The following DGKI variants were observed in gnomAD, a reference collection of about 807,000 sequenced individuals.
DGKI encodes DAG kinase iota.
A neutral mutation model predicts 147.5 loss-of-function variants in DGKI; 55 were observed. That is an observed-to-expected ratio of 0.37 (90% CI 0.30 to 0.47). DGKI has a LOEUF of 0.47. Ranked by LOEUF, DGKI falls within the 20% of genes least tolerant of loss-of-function variation. The probability of loss-of-function intolerance (pLI) is 1.00; values close to 1 mark genes in which losing one functional copy is unlikely to be tolerated. For synonymous variants in DGKI, 469 were observed against 477.1 expected, an observed-to-expected ratio of 0.98 and a Z score of 0.22; for missense variants, 1,007 against 1,323.8, an observed-to-expected ratio of 0.76 and a Z score of 3.71.
intron 6 of DGKI, among the ~76,000 whole-genome samples, chr7:137,641,564 T>G (rs933088944): frequency 2.0e-5 from 3 of 152,222 alleles, no homozygotes; most frequent in Non-Finnish European, 4.4e-5. Flanking sequence ...TGTGTTTAAG[T>G]GTAGCATGAA....
chr7:137,739,490 C>T (rs1411399832), intron 1 of DGKI, among the ~76,000 whole-genome samples: 3 of 152,248 alleles, frequency 2.0e-5, no homozygotes, highest in Non-Finnish European at 2.9e-5. Flanking sequence ...GGAAAAATAA[C>T]GACTAGACCT....
intron 1 of DGKI, among the ~76,000 whole-genome samples, chr7:137,814,311 T>G (rs549888016): frequency 6.6e-6 from 1 of 152,172 alleles, no homozygotes; most frequent in Admixed American, 6.5e-5. Flanking sequence ...AGTAAAGAAA[T>G]GCCAAAAAAC....
At chr7:137,501,864 C>A (rs1816184776) in intron 21 of DGKI, among the ~76,000 whole-genome samples, 1 of 152,106 alleles carries the variant, frequency 6.6e-6, no homozygotes, top group Non-Finnish European at 1.5e-5. Context: ...TTGTAGCTCC[C>A]ATAATTCCCA....
Position 137,846,397 on chromosome 7 carries a change from C to A in DGKI, c.401+65G>T. On this transcript the variant is annotated intron_variant, in intron 1 of 32. Transcript: ENST00000614521. The surrounding 1 kb of genome is among the most constrained non-coding windows in gnomAD (Gnocchi z 4.0). ...CCCAACTCCGCGGAAGCGCCCCTTG[C>A]TGGGTAGAAGAGTGGGTCTCCCGCC... 1 of 1,138,884 alleles carries A rather than the reference C, an allele frequency of 8.8e-7. No individual in the cohort carries two copies. The allele number at this position is 1,138,884 out of a possible 1,614,324, so 70.5% of individuals were successfully genotyped here.
At chr7:137,775,163 T>C (rs1297413762) in intron 1 of DGKI, among the ~76,000 whole-genome samples, 1 of 152,160 alleles carries the variant, frequency 6.6e-6, no homozygotes, top group Non-Finnish European at 1.5e-5. Context: ...GTGTGCTCCA[T>C]GTGGCATTAT....
chr7:137,695,766 A>C (rs1823760132), intron 1 of DGKI, among the ~76,000 whole-genome samples: 2 of 152,210 alleles, frequency 1.3e-5, no homozygotes, highest in South Asian at 4.1e-4. Flanking sequence ...TAATTGCCTT[A>C]ATTATAAATT....
At chr7:137,429,139 C>T (rs1812951474) in intron 28 of DGKI, among the ~76,000 whole-genome samples, 1 of 152,154 alleles carries the variant, frequency 6.6e-6, no homozygotes, top group African/African-American at 2.4e-5. Flanking sequence ...ATCACACTAC[C>T]TGACTTCAAA....
At chr7:137,662,898 T>A (rs1419008355) in intron 3 of DGKI, among the ~76,000 whole-genome samples, 1 of 152,162 alleles carries the variant, frequency 6.6e-6, no homozygotes, top group African/African-American at 2.4e-5. Flanking sequence ...GCCAAAAGTA[T>A]CTCAGAATAT....
At chr7:137,469,020 A>G (rs1814773022) in intron 24 of DGKI, among the ~76,000 whole-genome samples, 1 of 152,192 alleles carries the variant, frequency 6.6e-6, no homozygotes, top group Admixed American at 6.5e-5. Context: ...AGATAAAAAA[A>G]CGGACTCATT....
At chr7:137,425,392 C>G (rs1400613504) in intron 28 of DGKI, among the ~76,000 whole-genome samples, 1 of 152,170 alleles carries the variant, frequency 6.6e-6, no homozygotes, top group Non-Finnish European at 1.5e-5. Flanking sequence ...ACCAAAAACC[C>G]ATCTGTACAT....
chr7:137,829,361 G>A (rs1014241633), intron 1 of DGKI, among the ~76,000 whole-genome samples: 7 of 152,126 alleles, frequency 4.6e-5, no homozygotes, highest in African/African-American at 1.7e-4. Flanking sequence ...TCTTAACTTG[G>A]GAAACTAGAC....
chr7:137,625,145 T>C (rs1490098866), intron 6 of DGKI, among the ~76,000 whole-genome samples: 1 of 152,212 alleles, frequency 6.6e-6, no homozygotes, highest in Non-Finnish European at 1.5e-5. Flanking sequence ...AGAGTTAACA[T>C]AGCAAATCAG....
At chr7:137,395,226 G>A (rs542132291) in intron 32 of DGKI, among the ~76,000 whole-genome samples, 12 of 152,252 alleles carry the variant, frequency 7.9e-5, no homozygotes, top group African/African-American at 2.6e-4. Flanking sequence ...AGTACTGAAG[G>A]AAAACCCCAA....
chr7:137,673,591 A>G (rs1822927943), intron 3 of DGKI, among the ~76,000 whole-genome samples: 1 of 152,224 alleles, frequency 6.6e-6, no homozygotes, highest in Non-Finnish European at 1.5e-5. Flanking sequence ...AGGCAAAGTG[A>G]TATGTCCCAA....
chr7:137,524,578 T>C (rs1817076383), intron 20 of DGKI, among the ~76,000 whole-genome samples: 1 of 151,594 alleles, frequency 6.6e-6, no homozygotes, highest in African/African-American at 2.4e-5. Flanking sequence ...ATTAAAGGGG[T>C]CTGATAATCC....
chr7:137,736,866 A>G (rs185985117), intron 1 of DGKI, among the ~76,000 whole-genome samples: 7 of 152,262 alleles, frequency 4.6e-5, no homozygotes, highest in Admixed American at 2.0e-4. Context: ...CATACAGATC[A>G]CAGTAAGAGA....
chr7:137,383,582 A>G lies in DGKI; in HGVS notation c.*7638T>C, dbSNP rs1811108948. 6.6e-6 allele frequency: 1 copy of G among 151,952 alleles called. No individual in the cohort carries two copies. Among genetic ancestry groups the G allele is most frequent in the South Asian group, 2.1e-4 (1 of 4,822 alleles). The allele number at this position is 151,952 out of a possible 1,614,324, so 9.4% of individuals were successfully genotyped here. On this transcript the variant is annotated 3_prime_UTR_variant, in exon 33 of 33. Transcript: ENST00000614521. ...TCTCACAATTAAAGATATGCCTTTGATCTCTGAGTTAGTTGTTCAATCTTC... is the reference window on the plus strand; with the variant it reads ...TCTCACAATTAAAGATATGCCTTTGGTCTCTGAGTTAGTTGTTCAATCTTC...
At chr7:137,625,423 GCCC>G (rs1820899904) in intron 6 of DGKI, among the ~76,000 whole-genome samples, 1 of 151,838 alleles carries the variant, frequency 6.6e-6, no homozygotes, top group Non-Finnish European at 1.5e-5. Flanking sequence ...TCGTGCTACT[GCCC>G]CCTAGCCTGA....
intron 3 of DGKI, among the ~76,000 whole-genome samples, chr7:137,672,578 T>C (rs1243485945): frequency 6.6e-6 from 1 of 152,126 alleles, no homozygotes; most frequent in Non-Finnish European, 1.5e-5. Flanking sequence ...GCTAGAAGTC[T>C]GAAATCAAGG....
Sources: gnomAD v4.1 joint callset for allele counts (sites outside exome capture counted in the v4.1 genomes callset) on GRCh38, gnomAD v4.1.1 for gene constraint, Gnocchi (gnomAD v3.1) non-coding constraint, MANE v1.5 for transcripts, NCBI Gene and HGNC (gene_info 2026-07-23, HGNC 2026-07-21) for gene names.